PKN2: variants seen among roughly 807,000 people sequenced by gnomAD.
PKN2 encodes protein kinase N2, also known as serine/threonine-protein kinase N2.
In PKN2, 38 loss-of-function variants were observed where a neutral mutation model predicts 119.1. That is an observed-to-expected ratio of 0.32 (90% CI 0.25 to 0.42). PKN2 has a LOEUF of 0.42. Among genes scored for constraint, PKN2 ranks in the 10% least tolerant of loss-of-function variants. The pLI, the probability that PKN2 is intolerant of heterozygous loss-of-function variation, is 1.00. For synonymous variants in PKN2, 390 were observed against 384.9 expected (o/e 1.01, Z -0.15); for missense variants, 850 against 1,165.1 (o/e 0.73, Z 3.94).
At chr1:88,801,166 C>T (rs1279072844) in intron 8 of PKN2, among the ~76,000 whole-genome samples, 1 of 152,122 alleles carries the variant, frequency 6.6e-6, no homozygotes, top group Non-Finnish European at 1.5e-5. Flanking sequence ...GGGTGGATCA[C>T]CTGAGGTCAG....
intron 8 of PKN2, among the ~76,000 whole-genome samples, chr1:88,795,522 T>G (rs1157455709): frequency 2.0e-5 from 3 of 152,238 alleles, no homozygotes; most frequent in African/African-American, 7.2e-5. Flanking sequence ...CTGAAGTTTC[T>G]ACTGCCATTA....
At chr1:88,707,781 A>G (rs1428694178) in intron 1 of PKN2, among the ~76,000 whole-genome samples, 1 of 152,076 alleles carries the variant, frequency 6.6e-6, no homozygotes, top group Non-Finnish European at 1.5e-5. Context: ...TCCATTTTCT[A>G]TGAATTACCT....
intron 12 of PKN2, 85 bp downstream of exon 12, chr1:88,806,102 C>T: frequency 8.5e-7 from 1 of 1,179,400 alleles, no homozygotes; most frequent in Non-Finnish European, 1.2e-6. Context: ...CGTGTCTTTC[C>T]ATTTAAAATT....
At chr1:88,816,949 C>T (rs1672020071) in intron 16 of PKN2, 1 of 152,198 alleles carries the variant, frequency 6.6e-6, no homozygotes, top group Admixed American at 6.5e-5. Flanking sequence ...GATGGATTCA[C>T]AGCCAAATTC....
chr1:88,719,567 C>T (rs1302350416), intron 1 of PKN2, among the ~76,000 whole-genome samples: 2 of 152,062 alleles, frequency 1.3e-5, no homozygotes, highest in African/African-American at 2.4e-5. Context: ...TTTCCTCTTA[C>T]TATATATTTC....
At chr1:88,697,587 A>G (rs1292795803) in intron 1 of PKN2, among the ~76,000 whole-genome samples, 2 of 152,178 alleles carry the variant, frequency 1.3e-5, no homozygotes, top group Non-Finnish European at 2.9e-5. Context: ...TAAACTATGT[A>G]CAATTGCTAG....
In PKN2 at chr1:88,763,646, C is replaced by T. The variant is rs149669866; in HGVS notation, c.504+3270C>T. On this transcript the variant is annotated intron_variant, in intron 3 of 21. Transcript: ENST00000370521. ...AAAAAAGAAAGTTCACATCCATCCT[C>T]CTCAGACTTAAAGAATTAAAGAAGG... Among the ~76,000 whole-genome samples the T allele has an allele frequency of 1.9e-3, 288 of 151,236 alleles. 3 individuals are homozygous for T. The highest frequency in any genetic ancestry group is 6.6e-3 in the African/African-American group (271 of 41,292).
At chr1:88,764,525 T>G (rs992066630) in intron 3 of PKN2, among the ~76,000 whole-genome samples, 3 of 152,214 alleles carry the variant, frequency 2.0e-5, no homozygotes, top group East Asian at 1.9e-4. Context: ...GAAACAATAC[T>G]CCATTGAAAT....
intron 1 of PKN2, among the ~76,000 whole-genome samples, chr1:88,710,861 C>A (rs954057933): frequency 6.6e-6 from 1 of 152,116 alleles, no homozygotes. Flanking sequence ...ATGTTCATTG[C>A]AGCACTGTTC....
At chr1:88,721,904 T>A (rs1205126189) in intron 1 of PKN2, among the ~76,000 whole-genome samples, 3 of 152,138 alleles carry the variant, frequency 2.0e-5, no homozygotes, top group African/African-American at 7.2e-5. Flanking sequence ...CACATGGAAT[T>A]TTCTGAGGTC....
At chr1:88,804,558 G>A (rs1461306495) in intron 9 of PKN2, 24 bp downstream of exon 9, 16 of 1,590,216 alleles carry the variant, frequency 1.0e-5, no homozygotes, top group Admixed American at 6.7e-5. Context: ...TTTATTAAAT[G>A]TGCATAACTA....
chr1:88,698,664 ACTTC>A lies in PKN2; in HGVS notation c.48+14040_48+14043del, dbSNP rs1666640170. Among the ~76,000 whole-genome samples, 4 of 152,330 alleles carry A rather than the reference ACTTC, an allele frequency of 2.6e-5. No homozygotes were observed. The South Asian group carries it at 8.3e-4, about 32-fold the overall frequency. On this transcript the variant is annotated intron_variant, in intron 1 of 21. Coordinates refer to ENST00000370521, the MANE Select transcript of PKN2 (RefSeq NM_006256.4). ...ATGTATAAAATTAGAAGTAAAGACC[ACTTC>A]CTTAGTACTTTCTCTTCAATTAGTC...
intron 16 of PKN2, among the ~76,000 whole-genome samples, chr1:88,817,334 C>T (rs1032417620): frequency 6.6e-6 from 1 of 151,070 alleles, no homozygotes; most frequent in Non-Finnish European, 1.5e-5. Context: ...AAAAGGCCTT[C>T]GACAGGCGGA....
chr1:88,714,785 C>G (rs1159785933), intron 1 of PKN2, among the ~76,000 whole-genome samples: 2 of 152,054 alleles, frequency 1.3e-5, no homozygotes, highest in Non-Finnish European at 2.9e-5. Context: ...GCCTGATTGC[C>G]CTGGCCAGAA....
chr1:88,832,686 TGATAA>T, intron 19 of PKN2, 53 bp from the exon 20 acceptor site: 1 of 877,820 alleles, frequency 1.1e-6, no homozygotes, highest in Non-Finnish European at 1.8e-6. Flanking sequence ...TTTGAATGGG[TGATAA>T]GATTTTACTG....
chr1:88,774,166 A>G (rs1424815196), intron 6 of PKN2, among the ~76,000 whole-genome samples: 1 of 152,236 alleles, frequency 6.6e-6, no homozygotes, highest in African/African-American at 2.4e-5. Context: ...CACAAACCTT[A>G]TGTGTCCTTA....
chr1:88,763,374 G>T (rs1311956490), intron 3 of PKN2, among the ~76,000 whole-genome samples: 2 of 152,070 alleles, frequency 1.3e-5, no homozygotes, highest in Non-Finnish European at 2.9e-5. Flanking sequence ...TTGGAAGGCC[G>T]AGGCAGGTGG....
At chr1:88,740,828 AAGTC>A (rs1327521939) in intron 1 of PKN2, among the ~76,000 whole-genome samples, 156 bp from the exon 2 acceptor site, 1 of 152,232 alleles carries the variant, frequency 6.6e-6, no homozygotes, top group East Asian at 1.9e-4. Flanking sequence ...GTTATAATAA[AAGTC>A]AGTAAGTAGT....
chr1:88,746,084 T>C (rs1247387442), intron 2 of PKN2, among the ~76,000 whole-genome samples: 1 of 152,162 alleles, frequency 6.6e-6, no homozygotes, highest in Non-Finnish European at 1.5e-5. Flanking sequence ...TTATACCTTA[T>C]ACCTTTAAAC....
Sources: gnomAD v4.1 joint callset for allele counts (sites outside exome capture counted in the v4.1 genomes callset) on GRCh38, gnomAD v4.1.1 for gene constraint, MANE v1.5 for transcripts, NCBI Gene and HGNC (gene_info 2026-07-23, HGNC 2026-07-21) for gene names.